The following RNLS variants were observed in gnomAD, a reference collection of about 807,000 sequenced individuals.
RNLS encodes the protein renalase, FAD dependent amine oxidase.
A neutral mutation model predicts 39.8 loss-of-function variants in RNLS; 39 were observed. The observed-to-expected ratio is 0.98, with a 90% CI of 0.76 to 1.28. RNLS has a LOEUF of 1.28. Among genes scored for constraint, RNLS ranks in the 50% most tolerant of loss-of-function variants. The pLI, the probability that RNLS is intolerant of heterozygous loss-of-function variation, is 0.00. For synonymous variants in RNLS, 147 were observed against 150.7 expected, an observed-to-expected ratio of 0.98 and a Z score of 0.18; for missense variants, 410 against 413.3, an observed-to-expected ratio of 0.99 and a Z score of 0.07.
intron 4 of RNLS, among the ~76,000 whole-genome samples, chr10:88,518,267 T>A (rs1449881625): frequency 6.6e-6 from 1 of 151,902 alleles, no homozygotes; most frequent in East Asian, 1.9e-4. Context: ...TGCATATGTA[T>A]AATGTAACCC....
intron 4 of RNLS, among the ~76,000 whole-genome samples, chr10:88,531,942 A>T (rs1018133637): frequency 1.3e-5 from 2 of 152,036 alleles, no homozygotes; most frequent in Admixed American, 1.3e-4. Context: ...ATATTGAGTA[A>T]TCCCTACAAT....
At chr10:88,453,214 C>T (rs1842448779) in intron 4 of RNLS, among the ~76,000 whole-genome samples, 1 of 152,168 alleles carries the variant, frequency 6.6e-6, no homozygotes, top group East Asian at 1.9e-4. Context: ...TTTCTACCTC[C>T]AAAACTATAG....
chr10:88,236,206 G>A, the RNLS span, among the ~76,000 whole-genome samples: 1 of 152,158 alleles, frequency 6.6e-6, no homozygotes, highest in African/African-American at 2.4e-5. Flanking sequence ...AAAAAGCCCT[G>A]GCTTCTTTAA....
intron 4 of RNLS, among the ~76,000 whole-genome samples, chr10:88,469,891 C>A: frequency 7.0e-6 from 1 of 143,656 alleles, no homozygotes; most frequent in South Asian, 2.3e-4. Context: ...TTTCTTACAC[C>A]TAAAGTTATG....
intron 6 of RNLS, among the ~76,000 whole-genome samples, chr10:88,301,889 C>T (rs976669851): frequency 6.6e-6 from 1 of 152,072 alleles, no homozygotes; most frequent in African/African-American, 2.4e-5. Context: ...GACATGTGGG[C>T]ATGAAGAGAG....
chr10:88,352,752 T>C (rs1197850064), intron 5 of RNLS, among the ~76,000 whole-genome samples: 1 of 152,200 alleles, frequency 6.6e-6, no homozygotes, highest in African/African-American at 2.4e-5. Flanking sequence ...TTTCTACCGA[T>C]TGGAATAGTT....
intron 3 of RNLS, 24 bp downstream of exon 3, chr10:88,581,543 A>G (rs771475683): frequency 1.5e-5 from 23 of 1,571,832 alleles, no homozygotes; most frequent in Non-Finnish European, 3.4e-6. Context: ...TTTAAAATTT[A>G]GGCAGAGAAA....
chr10:88,488,421 C>T (rs897745268), intron 4 of RNLS, among the ~76,000 whole-genome samples: 2 of 151,782 alleles, frequency 1.3e-5, no homozygotes, highest in Non-Finnish European at 2.9e-5. Context: ...TGGTGCATGC[C>T]TGTAATCCCA....
chr10:88,183,842 C>T, the RNLS span, among the ~76,000 whole-genome samples: 10 of 152,134 alleles, frequency 6.6e-5, no homozygotes, highest in East Asian at 3.9e-4. Context: ...GGTTCAGGAA[C>T]GAGTAGATAA....
At chr10:88,377,161 A>T (rs189520592) in intron 4 of RNLS, among the ~76,000 whole-genome samples, 7 of 152,208 alleles carry the variant, frequency 4.6e-5, no homozygotes, top group African/African-American at 1.7e-4. Context: ...GCTCAAATAC[A>T]AGATAAGGTG....
the RNLS span, among the ~76,000 whole-genome samples, chr10:88,266,694 TACACACACACACAC>T: frequency 2.9e-3 from 394 of 134,212 alleles, no homozygotes; most frequent in Non-Finnish European, 4.3e-3. Context: ...TTCTTTTAAA[TACACACACACACAC>T]ACACACACAC....
chr10:88,224,693 G>C, the RNLS span, among the ~76,000 whole-genome samples: 2 of 152,174 alleles, frequency 1.3e-5, no homozygotes. Context: ...CAATCCCACT[G>C]TCAGGCAAGC....
chr10:88,320,449 T>A, intron 5 of RNLS, among the ~76,000 whole-genome samples: 1 of 148,726 alleles, frequency 6.7e-6, no homozygotes, highest in East Asian at 2.0e-4. Context: ...CATATCAATA[T>A]TAACCTTGAA....
chr10:88,230,312 C>CT, the RNLS span, among the ~76,000 whole-genome samples: 17 of 152,174 alleles, frequency 1.1e-4, no homozygotes, highest in East Asian at 5.8e-4. Context: ...AGTTCTGAAA[C>CT]TTTGTCTTTT....
At chr10:88,310,801 C>CAAAAAAA (rs577838661) in intron 6 of RNLS, among the ~76,000 whole-genome samples, 21 of 19,592 alleles carry the variant, frequency 1.1e-3, no homozygotes, top group African/African-American at 3.4e-3. Flanking sequence ...CTACCTCTGC[C>CAAAAAAA]AAAAAAAAAA....
At chr10:88,197,297 G>A in the RNLS span, among the ~76,000 whole-genome samples, 1 of 152,160 alleles carries the variant, frequency 6.6e-6, no homozygotes, top group Non-Finnish European at 1.5e-5. Flanking sequence ...AATAAATAAA[G>A]ACTGTTTTCT....
chr10:88,527,840 A>G (rs1847196279), intron 4 of RNLS, among the ~76,000 whole-genome samples: 1 of 152,080 alleles, frequency 6.6e-6, no homozygotes, highest in Non-Finnish European at 1.5e-5. Flanking sequence ...AGAAAGATAA[A>G]ACTTGAAAAA....
intron 4 of RNLS, among the ~76,000 whole-genome samples, chr10:88,392,537 T>G (rs182628824): frequency 5.3e-4 from 80 of 152,246 alleles, no homozygotes; most frequent in African/African-American, 1.8e-3. Context: ...TTTAAGAAAA[T>G]CTTTGTCCAA....
At chr10:88,229,024 T>C in the RNLS span, among the ~76,000 whole-genome samples, 1 of 152,176 alleles carries the variant, frequency 6.6e-6, no homozygotes, top group African/African-American at 2.4e-5. Context: ...AATCAATCCA[T>C]CAATCCACCC....
Sources: allele counts gnomAD v4.1 joint callset (sites outside exome capture counted in the v4.1 genomes callset), GRCh38; gene constraint gnomAD v4.1.1; transcripts MANE v1.5; gene names NCBI Gene and HGNC (gene_info 2026-07-23, HGNC 2026-07-21).